The following CD2AP variants were observed in gnomAD, a reference collection of about 807,000 sequenced individuals.
CD2AP encodes the protein CD2 associated protein.
CD2AP carries 46 observed loss-of-function variants against 85.1 expected under a neutral mutation model. The ratio of observed to expected loss-of-function variants is 0.54; its 90% CI spans 0.43 to 0.69. The LOEUF (loss-of-function observed/expected upper bound fraction) is 0.69. CD2AP is among the 30% of genes least tolerant of loss of function. CD2AP has a pLI of 0.00. For missense variants in CD2AP, 769 were observed against 729.5 expected (o/e 1.05, Z -0.62); for synonymous variants, 255 against 252.9 (o/e 1.01, Z -0.08).
intron 5 of CD2AP, among the ~76,000 whole-genome samples, chr6:47,557,386 A>G (rs895023894): frequency 2.0e-5 from 3 of 152,148 alleles, no homozygotes; most frequent in African/African-American, 7.2e-5. Context: ...TGTTTTAGTC[A>G]TGAAGTCTTT....
intron 2 of CD2AP, among the ~76,000 whole-genome samples, chr6:47,508,550 T>G (rs1458548917): frequency 7.4e-5 from 11 of 147,862 alleles, no homozygotes; most frequent in African/African-American, 2.3e-4. Context: ...TTTTTTGTTT[T>G]TTTTTTTTTT....
intron 10 of CD2AP, 108 bp downstream of exon 10, chr6:47,581,008 T>C (rs746737539): frequency 9.2e-5 from 72 of 785,060 alleles, no homozygotes; most frequent in Non-Finnish European, 1.4e-4. Context: ...GTATGATGTC[T>C]GTAAACATTT....
chr6:47,609,350 A>G (rs1769363540), intron 16 of CD2AP, 46 bp downstream of exon 16: 2 of 1,456,818 alleles, frequency 1.4e-6, no homozygotes, highest in Non-Finnish European at 1.9e-6. Flanking sequence ...TAACCCATGC[A>G]TAAAGAATTT....
rs1769263521 is a variant in CD2AP, at chr6:47,606,151, T to C, written c.1418-14T>C. The C allele has an allele frequency of 3.0e-6, 4 of 1,347,032 alleles. No homozygotes were observed. The highest frequency in any genetic ancestry group is 4.3e-6 in the Non-Finnish European group (4 of 937,640). 83.4% of individuals were successfully genotyped at this position (1,347,032 alleles called of 1,614,324 possible). A position where few individuals can be genotyped will look rare whatever the true frequency, so the allele number is the denominator to read the frequency against. ...CAGTTCTCTTAGTAAATAATGTTTATTTTTATTTTCTAGATGTTGTAAATT... is the reference window on the plus strand; with the variant it reads ...CAGTTCTCTTAGTAAATAATGTTTACTTTTATTTTCTAGATGTTGTAAATT... On this transcript the variant is annotated splice_polypyrimidine_tract_variant and intron_variant, in intron 13 of 17. Coordinates refer to ENST00000359314, the MANE Select transcript of CD2AP (RefSeq NM_012120.3).
At chr6:47,479,891 AT>A (rs922473259) in intron 1 of CD2AP, among the ~76,000 whole-genome samples, 6 of 150,358 alleles carry the variant, frequency 4.0e-5, no homozygotes, top group Admixed American at 1.3e-4. Context: ...TCCTTTTCTA[AT>A]TTTTTTTTAG....
In CD2AP at chr6:47,488,188, G is replaced by C. The variant is rs1326661543; in HGVS notation, c.4+9940G>C. Among the ~76,000 whole-genome samples the C allele has an allele frequency of 3.3e-5, 5 of 152,248 alleles. No homozygotes were observed. The East Asian group carries it at 9.6e-4, about 29-fold the overall frequency. ...CTCCGTGTGTATAAATAAAGGGAAA[G>C]TTTGGCAGAGAGAGACATTTCTGTA... On this transcript the variant is annotated intron_variant, in intron 1 of 17. Coordinates refer to ENST00000359314, the MANE Select transcript of CD2AP (RefSeq NM_012120.3).
At chr6:47,562,323 A>G (rs1419047737) in intron 5 of CD2AP, among the ~76,000 whole-genome samples, 2 of 152,208 alleles carry the variant, frequency 1.3e-5, no homozygotes, top group East Asian at 3.8e-4. Flanking sequence ...TTAGAAAGTG[A>G]CAGGAAAAAA....
intron 2 of CD2AP, among the ~76,000 whole-genome samples, chr6:47,520,617 G>C (rs1410028874): frequency 6.6e-6 from 1 of 152,120 alleles, no homozygotes; most frequent in South Asian, 2.1e-4. Context: ...TGGTGGTTGG[G>C]GGCGAAAGTG....
At chr6:47,598,699 T>C (rs1330544865) in intron 12 of CD2AP, among the ~76,000 whole-genome samples, 1 of 150,600 alleles carries the variant, frequency 6.6e-6, no homozygotes, top group Admixed American at 6.6e-5. Flanking sequence ...GGAGCTAAGC[T>C]GTGAGGACAC....
chr6:47,607,361 T>A (rs929464064), intron 14 of CD2AP, among the ~76,000 whole-genome samples: 2 of 152,110 alleles, frequency 1.3e-5, no homozygotes. Flanking sequence ...TATATTTAGT[T>A]TTTTGAGGAA....
intron 15 of CD2AP, among the ~76,000 whole-genome samples, chr6:47,608,906 A>G (rs1184401278): frequency 1.3e-5 from 2 of 152,136 alleles, no homozygotes; most frequent in Non-Finnish European, 2.9e-5. Flanking sequence ...TTCTTCTGTT[A>G]ATAAAATTGT....
chr6:47,502,154 A>G (rs1582482851), intron 1 of CD2AP, among the ~76,000 whole-genome samples: 1 of 152,332 alleles, frequency 6.6e-6, no homozygotes, highest in Non-Finnish European at 1.5e-5. Context: ...GATGTCAGTC[A>G]GAGACCTCCT....
intron 1 of CD2AP, among the ~76,000 whole-genome samples, chr6:47,484,540 A>G (rs1765520799): frequency 2.6e-5 from 4 of 152,182 alleles, no homozygotes; most frequent in African/African-American, 9.7e-5. Flanking sequence ...TCACTATTCT[A>G]AATTGATACT....
intron 1 of CD2AP, among the ~76,000 whole-genome samples, chr6:47,492,140 T>A (rs910611882): frequency 6.6e-6 from 1 of 152,148 alleles, no homozygotes; most frequent in African/African-American, 2.4e-5. Flanking sequence ...CTACACAGTT[T>A]TGTTACTAAT....
At chr6:47,607,231 A>G (rs968469562) in intron 14 of CD2AP, among the ~76,000 whole-genome samples, 10 of 152,146 alleles carry the variant, frequency 6.6e-5, no homozygotes, top group East Asian at 1.9e-4. Flanking sequence ...GTTGATTCCA[A>G]TTCTTGGCTG....
At chr6:47,505,824 G>T (rs1766141668) in intron 2 of CD2AP, among the ~76,000 whole-genome samples, 1 of 120,016 alleles carries the variant, frequency 8.3e-6, no homozygotes, top group African/African-American at 3.4e-5. Flanking sequence ...CTCCCTCCTG[G>T]ACGGCACGGC....
At chr6:47,503,241 A>C in intron 1 of CD2AP, 39 bp from the exon 2 acceptor site, 1 of 1,577,252 alleles carries the variant, frequency 6.3e-7, no homozygotes, top group Non-Finnish European at 8.7e-7. Flanking sequence ...TATTTTGTGA[A>C]TTAGATTTTA....
chr6:47,508,546 G>GTTTT (rs59914741), intron 2 of CD2AP, among the ~76,000 whole-genome samples: 1 of 91,464 alleles, frequency 1.1e-5, no homozygotes, highest in Non-Finnish European at 2.2e-5. Flanking sequence ...TTTTTTTTTT[G>GTTTT]TTTTTTTTTT....
chr6:47,520,933 C>A (rs185274443), intron 2 of CD2AP, among the ~76,000 whole-genome samples: 62 of 151,946 alleles, frequency 4.1e-4, no homozygotes, highest in African/African-American at 1.4e-3. Flanking sequence ...AGTACCTAGC[C>A]TGGGATATAG....
Sources: gnomAD v4.1 joint callset for allele counts (sites outside exome capture counted in the v4.1 genomes callset) on GRCh38, gnomAD v4.1.1 for gene constraint, MANE v1.5 for transcripts, NCBI Gene and HGNC (gene_info 2026-07-23, HGNC 2026-07-21) for gene names.